Variants in ATG2B observed in about 807,000 individuals in gnomAD.
ATG2B encodes autophagy-related protein 2 homolog B.
A neutral mutation model predicts 241.3 loss-of-function variants in ATG2B; 121 were observed. The observed-to-expected ratio is 0.50, with a 90% CI of 0.43 to 0.58. The LOEUF is 0.58. Among genes scored for constraint, ATG2B ranks in the 20% least tolerant of loss-of-function variants. The probability of loss-of-function intolerance (pLI) is 0.00; values close to 1 mark genes in which losing one functional copy is unlikely to be tolerated. For missense variants in ATG2B, 2,306 were observed against 2,491.6 expected (o/e 0.93, Z 1.59); for synonymous variants, 858 against 876.6 (o/e 0.98, Z 0.37).
intron 18 of ATG2B, among the ~76,000 whole-genome samples, chr14:96,319,941 C>T (rs1385375919): frequency 6.6e-6 from 1 of 151,994 alleles, no homozygotes; most frequent in Non-Finnish European, 1.5e-5. Flanking sequence ...TTATATGATC[C>T]CAGAAAGTGA....
Position 96,292,073 on chromosome 14 carries a change from G to C in ATG2B, c.5452C>G (p.Pro1818Ala). The change falls in exon 37 of 42, where the codon CCC becomes GCC. Residue 1818 changes from proline to alanine, a missense_variant. Physicochemically the swap from Pro to Ala is conservative, Grantham distance 27. Around this residue, in one of 2 missense-constraint regions of ATG2B, gnomAD observed 379 missense variants for 480.4 expected, o/e 0.79. Transcript: ENST00000359933. ...FREFRFTSEV[P>A]IRLDYHGKHV... ...TTGCCATGATAATCAAGTCGAATGG[G>C]AACTTCTGACGTGAATCTAAATTCT... 1 of 1,597,234 alleles carries C rather than the reference G, an allele frequency of 6.3e-7. No individual in the cohort carries two copies. Among genetic ancestry groups the C allele is most frequent in the Non-Finnish European group, 8.5e-7 (1 of 1,171,486 alleles).
At chr14:96,299,554 T>C (rs1595296864) in intron 34 of ATG2B, among the ~76,000 whole-genome samples, 1 of 152,140 alleles carries the variant, frequency 6.6e-6, no homozygotes, top group African/African-American at 2.4e-5. Context: ...CCCGGCAGAG[T>C]TCCAGGCAGT....
chr14:96,322,256 TA>T lies in ATG2B; in HGVS notation c.2737-3del. 1.3e-6 allele frequency: 2 copies of T among 1,586,962 alleles called. No individual in the cohort carries two copies. The highest frequency in any genetic ancestry group is 8.5e-7 in the Non-Finnish European group (1 of 1,172,602). On this transcript the variant is annotated splice_polypyrimidine_tract_variant and splice_region_variant and intron_variant, in intron 17 of 41. Coordinates refer to ENST00000359933, the MANE Select transcript of ATG2B (RefSeq NM_018036.7). ...TACAGGGTCTCCTGGCATCACCATC[TA>T]AAACATAATAGTTCAGTGCAAAAAA...
In ATG2B at chr14:96,315,397, T is replaced by G. The variant is rs1185852329; in HGVS notation, c.3548A>C (p.Glu1183Ala). The G allele has an allele frequency of 6.2e-7, 1 of 1,614,002 alleles. No homozygotes were observed. The highest frequency in any genetic ancestry group is 1.3e-5 in the African/African-American group (1 of 74,950). Residue 1183 changes from glutamate to alanine, a missense_variant, in exon 22 of 42, where the codon GAG becomes GCG. This residue lies in a region of ATG2B where 1,927 missense variants were observed against 2,011.2 expected (regional missense o/e 0.96). Coordinates refer to ENST00000359933, the MANE Select transcript of ATG2B (RefSeq NM_018036.7). ...CAAAACACAAACCTTTGTATTGGAC[T>G]CTGATTTATCAGACAATATTTTAAC... Reference protein sequence around the residue: ...VAVKILSDKSESNTKEFLIAV... With the variant: ...VAVKILSDKSASNTKEFLIAV...
In ATG2B at chr14:96,305,614, G is replaced by C; in HGVS notation, c.4708C>G (p.Pro1570Ala). 3 of 1,613,208 alleles carry C rather than the reference G, an allele frequency of 1.9e-6. No individual in the cohort carries two copies. Among genetic ancestry groups the C allele is most frequent in the Non-Finnish European group, 1.7e-6 (2 of 1,179,174 alleles). The stretch of plus-strand genomic sequence containing the variant: ...ATATAACTTTTAGCCGGAGAAGTGG[G>C]AGGGACTATTCCAAAATCCTTTCCT... The part of the protein sequence containing the change: ...YGGKDFGIVP[P>A]TSPAKSYISP... The change falls in exon 31 of 42, where the codon CCC (proline) becomes GCC (alanine). Residue 1570 changes from proline (P) to alanine (A), a missense_variant. This residue lies in a region of ATG2B where 1,927 missense variants were observed against 2,011.2 expected (regional missense o/e 0.96). Coordinates refer to ENST00000359933, the MANE Select transcript of ATG2B (RefSeq NM_018036.7).
chr14:96,311,484 A>T (rs927233586), intron 27 of ATG2B, 58 bp downstream of exon 27: 11 of 1,424,304 alleles, frequency 7.7e-6, no homozygotes, highest in Non-Finnish European at 8.7e-6. Flanking sequence ...GTTAAACTCA[A>T]TTTTTTTAAT....
At chr14:96,306,615 T>C (rs1388693001) in intron 30 of ATG2B, 99 bp downstream of exon 30, 12 of 1,021,460 alleles carry the variant, frequency 1.2e-5, no homozygotes, top group Non-Finnish European at 1.5e-5. Flanking sequence ...CTCTGAACTA[T>C]AAAGAATTTA....
In ATG2B at chr14:96,334,284, T is replaced by C. The variant is rs538260977; in HGVS notation, c.1021+121A>G. 31 of 655,928 alleles carry C rather than the reference T, an allele frequency of 4.7e-5. No individual in the cohort carries two copies. The Admixed American group carries it at 6.3e-4, about 13-fold the overall frequency. The allele number at this position is 655,928 out of a possible 1,614,324, so 40.6% of individuals were successfully genotyped here. A position where few individuals can be genotyped will look rare whatever the true frequency, so the allele number is the denominator to read the frequency against. ...TTTACTACTTAACATTCTTATTTGCTTCTTTCAATTCAGATATTCAAAAAT... is the reference window on the plus strand; with the variant it reads ...TTTACTACTTAACATTCTTATTTGCCTCTTTCAATTCAGATATTCAAAAAT... On this transcript the variant is annotated intron_variant, in intron 7 of 41. Coordinates refer to ENST00000359933, the MANE Select transcript of ATG2B (RefSeq NM_018036.7).
At chr14:96,327,682 A>G (rs1887620216) in intron 14 of ATG2B, among the ~76,000 whole-genome samples, 1 of 152,212 alleles carries the variant, frequency 6.6e-6, no homozygotes, top group Non-Finnish European at 1.5e-5. Flanking sequence ...ACTGACTGGC[A>G]TATTTCTCGC....
chr14:96,329,341 A>G, intron 12 of ATG2B, 143 bp downstream of exon 12: 1 of 521,718 alleles, frequency 1.9e-6, no homozygotes. Flanking sequence ...ATATTTCTAT[A>G]GAACACAAGT....
intron 11 of ATG2B, among the ~76,000 whole-genome samples, chr14:96,330,197 A>AG (rs1333465626): frequency 6.6e-6 from 1 of 151,920 alleles, no homozygotes; most frequent in Admixed American, 6.6e-5. Flanking sequence ...TAAAAATACA[A>AG]GAAAAAAAAA....
Position 96,363,247 on chromosome 14 carries a change from A to G in ATG2B, c.-271T>C. The G allele has an allele frequency of 2.5e-6, 1 of 394,028 alleles. No homozygotes were observed. The highest frequency in any genetic ancestry group is 4.6e-6 in the Non-Finnish European group (1 of 216,966). 24.4% of individuals were successfully genotyped at this position (394,028 alleles called of 1,614,324 possible). A position where few individuals can be genotyped will look rare whatever the true frequency, so the allele number is the denominator to read the frequency against. ...CCAACCGGCTCGGAGAGAGTGCAAG[A>G]GAGCGCGAGAGGAGGCGGCAGGGGC... On this transcript the variant is annotated 5_prime_UTR_variant, in exon 1 of 42. Transcript: ENST00000359933.
chr14:96,304,465 A>T (rs1355396881), intron 32 of ATG2B, 30 bp downstream of exon 32: 2 of 1,550,400 alleles, frequency 1.3e-6, no homozygotes, highest in East Asian at 4.5e-5. Flanking sequence ...ATCCTACTTA[A>T]GTGGATTTTT....
intron 11 of ATG2B, among the ~76,000 whole-genome samples, 199 bp downstream of exon 11, chr14:96,331,177 A>G (rs1887721309): frequency 6.6e-6 from 1 of 152,258 alleles, no homozygotes; most frequent in African/African-American, 2.4e-5. Flanking sequence ...TGCATGCCAA[A>G]TAACCTGAAT....
chr14:96,316,327 T>G (rs1040867309), intron 21 of ATG2B, among the ~76,000 whole-genome samples: 1 of 152,192 alleles, frequency 6.6e-6, no homozygotes, highest in Non-Finnish European at 1.5e-5. Flanking sequence ...GAGTATGGTG[T>G]GTGAATTATA....
At chr14:96,334,345 T>G in intron 7 of ATG2B, 60 bp downstream of exon 7, 2 of 1,054,578 alleles carry the variant, frequency 1.9e-6, no homozygotes, top group African/African-American at 1.6e-5. Flanking sequence ...ATTACATATT[T>G]TAAAGTTTTT....
chr14:96,361,691 G>C (rs913967251), intron 1 of ATG2B, among the ~76,000 whole-genome samples: 1 of 152,108 alleles, frequency 6.6e-6, no homozygotes, highest in Admixed American at 6.5e-5. Context: ...TTATCACTCG[G>C]CTAATTGTGG....
chr14:96,291,220 A>G (rs1886475674), intron 38 of ATG2B, among the ~76,000 whole-genome samples: 1 of 152,182 alleles, frequency 6.6e-6, no homozygotes, highest in African/African-American at 2.4e-5. Flanking sequence ...GGTAATACGT[A>G]TTAGTGTGTT....
chr14:96,320,064 C>G (rs941540148), intron 18 of ATG2B, among the ~76,000 whole-genome samples: 5 of 152,088 alleles, frequency 3.3e-5, no homozygotes, highest in Non-Finnish European at 7.4e-5. Flanking sequence ...AACCAACTAT[C>G]CAGATTAACA....
Sources: allele counts gnomAD v4.1 joint callset (sites outside exome capture counted in the v4.1 genomes callset), GRCh38; gene constraint gnomAD v4.1.1; regional missense constraint gnomAD v4.1.1; transcripts MANE v1.5; gene names NCBI Gene and HGNC (gene_info 2026-07-23, HGNC 2026-07-21).